KCNN2: variants seen among roughly 807,000 people sequenced by gnomAD.
The protein encoded by KCNN2 is small conductance calcium-activated potassium channel protein 2.
Under a neutral mutation model 55.5 loss-of-function variants are expected in KCNN2, and 24 were observed. The ratio of observed to expected loss-of-function variants is 0.43; its 90% confidence interval spans 0.31 to 0.61. KCNN2 has a LOEUF of 0.61. Ranked by LOEUF, KCNN2 falls within the 20% of genes least tolerant of loss-of-function variation. The probability of loss-of-function intolerance (pLI) is 0.08; values close to 1 mark genes in which losing one functional copy is unlikely to be tolerated. For synonymous variants in KCNN2, 431 were observed against 336.1 expected, an observed-to-expected ratio of 1.28 and a Z score of -3.09; for missense variants, 754 against 853.6, an observed-to-expected ratio of 0.88 and a Z score of 1.45.
chr5:114,087,880 G>T (rs910619759), intron 1 of KCNN2, among the ~76,000 whole-genome samples: 3 of 151,914 alleles, frequency 2.0e-5, no homozygotes, highest in African/African-American at 4.8e-5. Context: ...AACCATACAA[G>T]AATATATTTC....
intron 3 of KCNN2, among the ~76,000 whole-genome samples, chr5:114,440,648 GTCATGTACCT>G (rs1324277880): frequency 8.1e-6 from 1 of 122,706 alleles, no homozygotes; most frequent in Admixed American, 1.1e-4. Context: ...CCTTCTAAGG[GTCATGTACCT>G]GCACTACTCA....
intron 3 of KCNN2, among the ~76,000 whole-genome samples, chr5:114,436,432 A>G (rs1346549902): frequency 1.3e-5 from 2 of 152,214 alleles, no homozygotes; most frequent in Middle Eastern, 3.2e-3. Flanking sequence ...AGAGCAACAA[A>G]TGCCTCAGAT....
Position 114,457,109 on chromosome 5 carries a change from A to G in KCNN2, c.1638-5940A>G, listed in dbSNP as rs536141730. Among the ~76,000 whole-genome samples the G allele has an allele frequency of 3.9e-5, 6 of 152,330 alleles. No individual in the cohort carries two copies. In the East Asian group the frequency reaches 1.2e-3, roughly 29 times the overall value. On this transcript the variant is annotated intron_variant, in intron 3 of 7. Coordinates refer to ENST00000673685, the MANE Select transcript of KCNN2 (RefSeq NM_021614.4). ...TATCATATAGCATCATATGCTATAG[A>G]TAAATCTTTCCTGAAAGAAAGAGTC...
chr5:114,162,497 T>G (rs933249197), intron 1 of KCNN2, among the ~76,000 whole-genome samples: 2 of 152,176 alleles, frequency 1.3e-5, no homozygotes, highest in Admixed American at 6.5e-5. Context: ...TCTCAGGCTG[T>G]GTGCTGGGAG....
intron 1 of KCNN2, among the ~76,000 whole-genome samples, chr5:114,080,259 A>G (rs1242838324): frequency 6.6e-6 from 1 of 152,222 alleles, no homozygotes; most frequent in Non-Finnish European, 1.5e-5. Context: ...TTTAATTAGC[A>G]GTAGAACTTA....
intron 1 of KCNN2, among the ~76,000 whole-genome samples, chr5:114,189,763 T>C (rs894808509): frequency 2.6e-5 from 4 of 152,116 alleles, no homozygotes; most frequent in African/African-American, 9.7e-5. Context: ...ACGTCTATAG[T>C]AGTATAGAAC....
At chr5:114,258,963 TTAAAGCGC>T (rs1580668391) in intron 2 of KCNN2, among the ~76,000 whole-genome samples, 1 of 152,310 alleles carries the variant, frequency 6.6e-6, no homozygotes, top group East Asian at 1.9e-4. Context: ...CAGCTGCCCC[TTAAAGCGC>T]TAGAAAAGCC....
chr5:114,475,460 C>T (rs543855421), intron 5 of KCNN2, among the ~76,000 whole-genome samples: 68 of 152,104 alleles, frequency 4.5e-4, no homozygotes, highest in Non-Finnish European at 8.5e-4. Flanking sequence ...AAGGATTTGA[C>T]ATCTTAGAAA....
intron 2 of KCNN2, among the ~76,000 whole-genome samples, chr5:114,288,761 A>T (rs1755817097): frequency 6.6e-6 from 1 of 152,160 alleles, no homozygotes. Flanking sequence ...TCTAGAGAAT[A>T]AACCCTTGTT....
At chr5:114,318,807 A>G (rs1235048898) in intron 2 of KCNN2, among the ~76,000 whole-genome samples, 1 of 152,018 alleles carries the variant, frequency 6.6e-6, no homozygotes, top group Non-Finnish European at 1.5e-5. Flanking sequence ...TAATCCTTGG[A>G]TTATGCTTCT....
chr5:114,282,571 G>A (rs1217284295), intron 2 of KCNN2, among the ~76,000 whole-genome samples: 4 of 151,956 alleles, frequency 2.6e-5, no homozygotes, highest in Non-Finnish European at 5.9e-5. Flanking sequence ...TATGGCTGTT[G>A]CATCAACTTC....
intron 1 of KCNN2, among the ~76,000 whole-genome samples, chr5:114,140,942 C>G (rs1283100435): frequency 2.6e-5 from 4 of 151,714 alleles, no homozygotes; most frequent in Non-Finnish European, 4.4e-5. Flanking sequence ...GTGCGCACCA[C>G]CACACCCATC....
rs1433137518 is a variant in KCNN2, at chr5:114,165,492, T to C, written c.-270-55988T>C. The stretch of plus-strand genomic sequence containing the variant: ...TATTACTTAATATGGGGTGTGAAAT[T>C]GTAACAAGGCATAACATCCAAGTGA... On this transcript the variant is annotated intron_variant, in intron 1 of 10. Coordinates refer to the KCNN2 transcript ENST00000512097. Among the ~76,000 whole-genome samples, 10 of 152,320 alleles carry C rather than the reference T, an allele frequency of 6.6e-5. No individual in the cohort carries two copies. The East Asian group carries it at 1.4e-3, about 21-fold the overall frequency.
At chr5:114,152,657 A>G (rs975017047) in intron 1 of KCNN2, among the ~76,000 whole-genome samples, 3 of 152,174 alleles carry the variant, frequency 2.0e-5, no homozygotes, top group Non-Finnish European at 4.4e-5. Flanking sequence ...CTGATAGAGA[A>G]CACAGTCTGG....
chr5:114,480,112 TAGAC>T (rs1762159713), intron 5 of KCNN2, among the ~76,000 whole-genome samples: 1 of 151,350 alleles, frequency 6.6e-6, no homozygotes, highest in Admixed American at 6.6e-5. Flanking sequence ...AATAAATAGA[TAGAC>T]CACTAGATAG....
At chr5:114,285,450 T>C (rs1453395038) in intron 2 of KCNN2, among the ~76,000 whole-genome samples, 1 of 151,948 alleles carries the variant, frequency 6.6e-6, no homozygotes, top group African/African-American at 2.4e-5. Flanking sequence ...AAGACTGTGA[T>C]AAATGAGGAA....
intron 1 of KCNN2, among the ~76,000 whole-genome samples, chr5:114,062,464 T>C (rs769079459): frequency 3.9e-5 from 6 of 152,346 alleles, no homozygotes; most frequent in Non-Finnish European, 7.3e-5. Context: ...TCTTCGACTT[T>C]AAATATGAGG....
At chr5:114,102,617 G>T (rs554601357) in intron 1 of KCNN2, among the ~76,000 whole-genome samples, 1 of 152,242 alleles carries the variant, frequency 6.6e-6, no homozygotes, top group African/African-American at 2.4e-5. Context: ...TTTTGTATAA[G>T]GTGTAAGGGA....
intron 3 of KCNN2, among the ~76,000 whole-genome samples, chr5:114,439,123 T>C (rs1760119717): frequency 6.6e-6 from 1 of 152,224 alleles, no homozygotes; most frequent in Non-Finnish European, 1.5e-5. Flanking sequence ...TTGCGTAACA[T>C]CTAGAGGAGC....
Sources: gnomAD v4.1 joint callset for allele counts (sites outside exome capture counted in the v4.1 genomes callset) on GRCh38, gnomAD v4.1.1 for gene constraint, MANE v1.5 for transcripts, NCBI Gene and HGNC (gene_info 2026-07-23, HGNC 2026-07-21) for gene names.